Variants in MYBL2 observed in about 807,000 individuals in gnomAD.
MYBL2 encodes myb-related protein B.
In MYBL2, 28 loss-of-function variants were observed where a neutral mutation model predicts 79.9. The observed-to-expected ratio is 0.35, with a 90% CI of 0.26 to 0.48. MYBL2 has a LOEUF of 0.48. MYBL2 is among the 20% of genes least tolerant of loss of function. MYBL2 has a pLI of 0.99. For synonymous variants in MYBL2, 378 were observed against 361.2 expected, an observed-to-expected ratio of 1.05 and a Z score of -0.53; for missense variants, 735 against 893.9, an observed-to-expected ratio of 0.82 and a Z score of 2.27.
chr20:43,703,372 G>A (rs868183542), intron 8 of MYBL2, among the ~76,000 whole-genome samples: 1 of 152,202 alleles, frequency 6.6e-6, no homozygotes, highest in African/African-American at 2.4e-5. Flanking sequence ...TGTGGGAAGT[G>A]CCATGTGATA....
intron 5 of MYBL2, among the ~76,000 whole-genome samples, chr20:43,688,685 G>A (rs1987335427): frequency 6.6e-6 from 1 of 151,954 alleles, no homozygotes; most frequent in Admixed American, 6.6e-5. Context: ...GTCTCCCTAT[G>A]TTGCCCAGGC....
intron 10 of MYBL2, 80 bp downstream of exon 10, chr20:43,710,142 C>T: frequency 8.8e-7 from 1 of 1,136,204 alleles, no homozygotes; most frequent in Non-Finnish European, 1.2e-6. Context: ...GTCCACAGGA[C>T]CCTTCCCTCT....
At chr20:43,710,878 G>A (rs186814592) in intron 10 of MYBL2, among the ~76,000 whole-genome samples, 55 of 152,290 alleles carry the variant, frequency 3.6e-4, no homozygotes, top group Non-Finnish European at 6.5e-4. Flanking sequence ...TAAAATATCT[G>A]CATGCTCTCC....
intron 6 of MYBL2, among the ~76,000 whole-genome samples, chr20:43,694,774 C>G (rs1987493617): frequency 6.6e-6 from 1 of 152,182 alleles, no homozygotes; most frequent in Admixed American, 6.6e-5. Flanking sequence ...TCTTGTACAT[C>G]TAAGTAGTAT....
At position 43,711,485 on chromosome 20, in the gene MYBL2, C is replaced by T. The variant is rs1445981141; in HGVS notation, c.1606-3C>T. On this transcript the variant is annotated splice_polypyrimidine_tract_variant and splice_region_variant and intron_variant, in intron 10 of 13. Transcript: ENST00000217026. ...ACGTGGGCTGCCCCGTGCCTACCCACAGCCACAGACCCCGCACCTGGAGGA... is the reference window on the plus strand; with the variant it reads ...ACGTGGGCTGCCCCGTGCCTACCCATAGCCACAGACCCCGCACCTGGAGGA... 2 of 1,610,670 alleles carry T rather than the reference C, an allele frequency of 1.2e-6. No homozygotes were observed. The highest frequency in any genetic ancestry group is 1.7e-6 in the Non-Finnish European group (2 of 1,178,354).
intron 2 of MYBL2, among the ~76,000 whole-genome samples, chr20:43,677,839 A>C (rs146558548): frequency 0.011 from 1,704 of 152,298 alleles, 22 homozygotes; most frequent in African/African-American, 0.031. Flanking sequence ...CCATGATGAC[A>C]ATGGCAGTTT....
chr20:43,698,237 T>C (rs964700705), intron 6 of MYBL2, among the ~76,000 whole-genome samples: 27 of 151,872 alleles, frequency 1.8e-4, no homozygotes, highest in Admixed American at 1.3e-4. Context: ...GTTCGTTTGT[T>C]TTATAGAGAT....
At chr20:43,711,324 A>G (rs1987900697) in intron 10 of MYBL2, among the ~76,000 whole-genome samples, 164 bp from the exon 11 acceptor site, 1 of 152,214 alleles carries the variant, frequency 6.6e-6, no homozygotes, top group Non-Finnish European at 1.5e-5. Flanking sequence ...CCAAGGCAGC[A>G]GTTAGTGGTT....
intron 9 of MYBL2, among the ~76,000 whole-genome samples, chr20:43,709,484 C>T (rs2145733856): frequency 6.6e-6 from 1 of 152,316 alleles, no homozygotes; most frequent in East Asian, 1.9e-4. Context: ...TGAAGGGTTC[C>T]CTCCACGTGT....
At chr20:43,690,394 C>A (rs553529382) in intron 5 of MYBL2, among the ~76,000 whole-genome samples, 3 of 151,956 alleles carry the variant, frequency 2.0e-5, no homozygotes, top group African/African-American at 7.3e-5. Context: ...TTGGTAGAGA[C>A]GGGATTTCAC....
rs762936097 is a variant in MYBL2 at position 43,711,613 on chromosome 20, A to G, written c.1719+12A>G. ...AGAGGAAGCCTGGGGTGAGTAGGGT[A>G]GGGGTGGGAGAGCCTGGGCAGGGGG... On this transcript the variant is annotated intron_variant, in intron 11 of 13. Transcript: ENST00000217026. 1.1e-5 allele frequency: 17 copies of G among 1,591,920 alleles called. No homozygotes were observed. The highest frequency in any genetic ancestry group is 5.1e-5 in the Admixed American group (3 of 58,482).
At chr20:43,710,329 G>C (rs1019165789) in intron 10 of MYBL2, among the ~76,000 whole-genome samples, 1 of 152,204 alleles carries the variant, frequency 6.6e-6, no homozygotes, top group East Asian at 1.9e-4. Flanking sequence ...GCCTCAGGAT[G>C]GGGGAGACTG....
intron 2 of MYBL2, among the ~76,000 whole-genome samples, chr20:43,675,137 G>A (rs1021509965): frequency 6.6e-6 from 1 of 151,596 alleles, no homozygotes; most frequent in Non-Finnish European, 1.5e-5. Flanking sequence ...GCGCCACCAC[G>A]CCTGGCTAAT....
chr20:43,691,404 C>T (rs1274462105), intron 5 of MYBL2, among the ~76,000 whole-genome samples: 1 of 152,070 alleles, frequency 6.6e-6, no homozygotes, highest in East Asian at 1.9e-4. Context: ...TCATCACAAC[C>T]TCCACCTCCC....
chr20:43,692,038 T>C, intron 5 of MYBL2, 119 bp from the exon 6 acceptor site: 1 of 878,754 alleles, frequency 1.1e-6, no homozygotes, highest in Non-Finnish European at 1.8e-6. Context: ...ACCTTAGAGT[T>C]CATCTAGTGG....
chr20:43,700,091 A>C lies in MYBL2; in HGVS notation c.951+47A>C, dbSNP rs762377856. 4.4e-6 allele frequency: 7 copies of C among 1,589,216 alleles called. No individual in the cohort carries two copies. In the Admixed American group the frequency reaches 1.2e-4, roughly 27 times the overall value. On this transcript the variant is annotated intron_variant, in intron 7 of 13. Coordinates refer to ENST00000217026, the MANE Select transcript of MYBL2 (RefSeq NM_002466.4). Reference sequence around the variant, plus strand: ...ACAGTGAGCACAGAACACCCCCAGCAGGAAGTGCTTCTCTCTCAGGCCCAC... The same window carrying C: ...ACAGTGAGCACAGAACACCCCCAGCCGGAAGTGCTTCTCTCTCAGGCCCAC...
Position 43,686,850 on chromosome 20 carries a change from A to G in MYBL2, c.280-2A>G. ...GTGGCTACCCAGAGACTTTTCTCTA[A>G]GGTCATCGAGCTGGTTAAGAAGTAT... On this transcript the variant is annotated splice_acceptor_variant, in intron 4 of 13. Transcript: ENST00000217026. LOFTEE classifies it high-confidence loss of function. 6.2e-7 allele frequency: 1 copy of G among 1,613,878 alleles called. No homozygotes were observed. The highest frequency in any genetic ancestry group is 8.5e-7 in the Non-Finnish European group (1 of 1,179,830).
At chr20:43,711,361 C>T (rs1025151264) in intron 10 of MYBL2, 127 bp from the exon 11 acceptor site, 5 of 645,448 alleles carry the variant, frequency 7.7e-6, no homozygotes, top group African/African-American at 7.3e-5. Flanking sequence ...AGATCTGCAT[C>T]CTGGCGTCAG....
intron 6 of MYBL2, among the ~76,000 whole-genome samples, chr20:43,699,283 T>C (rs1397366726): frequency 1.3e-5 from 2 of 151,994 alleles, no homozygotes; most frequent in Admixed American, 6.6e-5. Flanking sequence ...TGACCTCAGG[T>C]GATCCACCAG....
Sources: gnomAD v4.1 joint callset for allele counts (sites outside exome capture counted in the v4.1 genomes callset) on GRCh38, gnomAD v4.1.1 for gene constraint, MANE v1.5 for transcripts, NCBI Gene and HGNC (gene_info 2026-07-23, HGNC 2026-07-21) for gene names.